The following GPC6 variants were observed in gnomAD, a reference collection of about 807,000 sequenced individuals.
The protein encoded by GPC6 is glypican-6.
GPC6 carries 14 observed loss-of-function variants against 55.2 expected under a neutral mutation model. That is an observed-to-expected ratio of 0.25 (90% CI 0.17 to 0.40). The LOEUF (loss-of-function observed/expected upper bound fraction) is 0.40. Ranked by LOEUF, GPC6 falls within the 10% of genes least tolerant of loss-of-function variation. GPC6 has a pLI of 1.00. For missense variants in GPC6, 641 were observed against 708.5 expected (o/e 0.90, Z 1.08); for synonymous variants, 278 against 259.6 (o/e 1.07, Z -0.68).
At chr13:94,172,626 G>A (rs1171062343) in intron 4 of GPC6, among the ~76,000 whole-genome samples, 4 of 152,120 alleles carry the variant, frequency 2.6e-5, no homozygotes, top group Non-Finnish European at 5.9e-5. Flanking sequence ...CATAGAACAT[G>A]TGTCCCACAA....
At chr13:93,229,400 G>A (rs1364731529) in intron 1 of GPC6, among the ~76,000 whole-genome samples, 2 of 152,100 alleles carry the variant, frequency 1.3e-5, no homozygotes, top group African/African-American at 4.8e-5. Context: ...TTTCAGATAA[G>A]ATGTCTCAAA....
At chr13:93,972,573 T>C (rs1349156697) in intron 3 of GPC6, among the ~76,000 whole-genome samples, 1 of 152,080 alleles carries the variant, frequency 6.6e-6, no homozygotes, top group Non-Finnish European at 1.5e-5. Flanking sequence ...GTAATGTCTC[T>C]AAGAGCACGA....
At chr13:94,240,108 T>C (rs1891008480) in intron 4 of GPC6, among the ~76,000 whole-genome samples, 1 of 152,092 alleles carries the variant, frequency 6.6e-6, no homozygotes, top group Non-Finnish European at 1.5e-5. Context: ...TGAAGTAGGA[T>C]GGACCCTCTG....
At chr13:94,064,903 T>C (rs1288549172) in intron 4 of GPC6, among the ~76,000 whole-genome samples, 3 of 152,196 alleles carry the variant, frequency 2.0e-5, no homozygotes, top group African/African-American at 7.2e-5. Context: ...CATTCTGCTA[T>C]GTATTCTTCT....
At chr13:93,303,183 C>T (rs994381022) in intron 1 of GPC6, among the ~76,000 whole-genome samples, 1 of 152,160 alleles carries the variant, frequency 6.6e-6, no homozygotes, top group African/African-American at 2.4e-5. Flanking sequence ...TGGTTTGGAG[C>T]TACCTGATTC....
intron 2 of GPC6, among the ~76,000 whole-genome samples, chr13:93,677,537 T>C (rs1243726956): frequency 2.0e-5 from 3 of 152,090 alleles, no homozygotes; most frequent in Non-Finnish European, 4.4e-5. Flanking sequence ...ACTAAAGATA[T>C]TGGCAATCTG....
intron 3 of GPC6, among the ~76,000 whole-genome samples, chr13:93,977,516 GTGGT>G (rs1332793048): frequency 2.1e-5 from 2 of 96,770 alleles, no homozygotes; most frequent in Non-Finnish European, 4.6e-5. Context: ...GTGTGTGTGT[GTGGT>G]GTGTCTTTAT....
At chr13:94,126,348 A>G (rs1441909009) in intron 4 of GPC6, among the ~76,000 whole-genome samples, 9 of 152,262 alleles carry the variant, frequency 5.9e-5, no homozygotes, top group African/African-American at 2.2e-4. Context: ...ATGCAACTGT[A>G]CTCCAGCCTG....
intron 4 of GPC6, among the ~76,000 whole-genome samples, chr13:94,185,267 A>AG (rs1300744964): frequency 1.3e-5 from 2 of 151,848 alleles, no homozygotes; most frequent in African/African-American, 4.8e-5. Flanking sequence ...TGAAAAAAAA[A>AG]AAAAAAAAGA....
intron 1 of GPC6, among the ~76,000 whole-genome samples, chr13:93,423,235 G>A (rs550638587): frequency 1.3e-5 from 2 of 152,078 alleles, no homozygotes; most frequent in African/African-American, 4.8e-5. Flanking sequence ...CCATCACACA[G>A]GACTGAATGT....
chr13:93,278,780 A>G (rs1458404721), intron 1 of GPC6, among the ~76,000 whole-genome samples: 1 of 152,232 alleles, frequency 6.6e-6, no homozygotes, highest in Non-Finnish European at 1.5e-5. Context: ...ATCTAGGGCT[A>G]TAGGTAATAA....
At chr13:93,346,208 C>T (rs1009436079) in intron 1 of GPC6, among the ~76,000 whole-genome samples, 2 of 151,982 alleles carry the variant, frequency 1.3e-5, no homozygotes, top group Non-Finnish European at 2.9e-5. Context: ...ATGAAACACA[C>T]CAAATTTGAC....
At chr13:94,142,056 C>T (rs9584190) in intron 4 of GPC6, among the ~76,000 whole-genome samples, 14,488 of 151,706 alleles carry the variant, frequency 0.096, 1,498 homozygotes, top group African/African-American at 0.25. Context: ...ATCCTATTGC[C>T]TATACTATCA....
chr13:94,073,808 A>T (rs1406272380), intron 4 of GPC6, among the ~76,000 whole-genome samples: 1 of 152,228 alleles, frequency 6.6e-6, no homozygotes, highest in Non-Finnish European at 1.5e-5. Context: ...TGAATTTTTC[A>T]CTAGAGCTTT....
At chr13:94,309,208 T>C (rs910827191) in intron 6 of GPC6, among the ~76,000 whole-genome samples, 15 of 152,166 alleles carry the variant, frequency 9.9e-5, no homozygotes, top group Non-Finnish European at 2.1e-4. Flanking sequence ...AAGGACGATA[T>C]CAAAACACTA....
At chr13:93,506,582 C>G (rs577767033) in intron 1 of GPC6, among the ~76,000 whole-genome samples, 109 of 152,196 alleles carry the variant, frequency 7.2e-4, no homozygotes, top group African/African-American at 2.6e-3. Context: ...CAGTGCATCT[C>G]AGAACTTTAA....
At chr13:93,404,631 C>T (rs1217804923) in intron 1 of GPC6, among the ~76,000 whole-genome samples, 4 of 152,052 alleles carry the variant, frequency 2.6e-5, no homozygotes, top group African/African-American at 7.2e-5. Flanking sequence ...TACATGTATT[C>T]GTTACCACTG....
At chr13:94,308,365 G>A (rs972007293) in intron 6 of GPC6, among the ~76,000 whole-genome samples, 1 of 152,094 alleles carries the variant, frequency 6.6e-6, no homozygotes, top group African/African-American at 2.4e-5. Context: ...TTTTATAAAG[G>A]AACTTTATTG....
chr13:93,231,353 ATATATACG>A (rs1363008418), intron 1 of GPC6, among the ~76,000 whole-genome samples: 7 of 28,080 alleles, frequency 2.5e-4, no homozygotes, highest in African/African-American at 1.3e-3. Flanking sequence ...ATACATATAT[ATATATACG>A]TATATATATA....
Sources: allele counts gnomAD v4.1 joint callset (sites outside exome capture counted in the v4.1 genomes callset), GRCh38; gene constraint gnomAD v4.1.1; transcripts MANE v1.5; gene names NCBI Gene and HGNC (gene_info 2026-07-23, HGNC 2026-07-21).